TUSC3: variants seen among roughly 807,000 people sequenced by gnomAD.
The protein encoded by TUSC3 is tumor suppressor candidate 3, also known as dolichyl-diphosphooligosaccharide--protein glycosyltransferase subunit TUSC3.
In TUSC3, 45 loss-of-function variants were observed where a neutral mutation model predicts 44.8. The ratio of observed to expected loss-of-function variants is 1.00; its 90% CI spans 0.79 to 1.29. The LOEUF is 1.29. TUSC3 is among the 50% of genes most tolerant of loss of function. TUSC3 has a pLI of 0.00. For missense variants in TUSC3, 519 were observed against 437.9 expected, an observed-to-expected ratio of 1.19 and a Z score of -1.65; for synonymous variants, 212 against 152.9, an observed-to-expected ratio of 1.39 and a Z score of -2.85.
the TUSC3 span, among the ~76,000 whole-genome samples, chr8:15,831,845 G>C: frequency 6.6e-6 from 1 of 152,158 alleles, no homozygotes; most frequent in Non-Finnish European, 1.5e-5. Context: ...GATGGAGAGA[G>C]TGTGAGCAAC....
At chr8:15,424,804 G>A (rs539038137) in intron 1 of TUSC3, among the ~76,000 whole-genome samples, 9 of 152,028 alleles carry the variant, frequency 5.9e-5, no homozygotes, top group Non-Finnish European at 1.2e-4. Context: ...CACTTGAACC[G>A]GGAGGCAGAG....
intron 1 of TUSC3, among the ~76,000 whole-genome samples, chr8:15,439,403 A>T (rs1199979278): frequency 1.3e-5 from 2 of 152,118 alleles, no homozygotes; most frequent in African/African-American, 4.8e-5. Context: ...TTATTTCTAC[A>T]AACAATAGCT....
intron 2 of TUSC3, among the ~76,000 whole-genome samples, chr8:15,503,820 T>C (rs1248675060): frequency 6.6e-6 from 1 of 151,908 alleles, no homozygotes; most frequent in African/African-American, 2.4e-5. Context: ...CTGGGCAGCA[T>C]GGCAAAACCC....
the TUSC3 span, among the ~76,000 whole-genome samples, chr8:15,812,508 G>A: frequency 6.6e-6 from 1 of 152,084 alleles, no homozygotes. Flanking sequence ...AAATATGGCC[G>A]TGGTTGCAAC....
chr8:15,769,564 C>T (rs138738266), downstream of TUSC3, among the ~76,000 whole-genome samples: 1 of 152,212 alleles, frequency 6.6e-6, no homozygotes, highest in Non-Finnish European at 1.5e-5. Flanking sequence ...GCAACAAATG[C>T]CAAAATTGAT....
intron 6 of TUSC3, among the ~76,000 whole-genome samples, chr8:15,695,237 G>T (rs374679551): frequency 6.6e-6 from 1 of 152,146 alleles, no homozygotes; most frequent in East Asian, 1.9e-4. Flanking sequence ...GTCATGGGAG[G>T]GACCCAGTGG....
intron 1 of TUSC3, among the ~76,000 whole-genome samples, chr8:15,551,749 G>C (rs1263321999): frequency 6.6e-6 from 1 of 151,700 alleles, no homozygotes; most frequent in Non-Finnish European, 1.5e-5. Flanking sequence ...TGTTATAAGG[G>C]TAAGAAACAA....
intron 2 of TUSC3, among the ~76,000 whole-genome samples, chr8:15,503,738 C>T (rs1234852061): frequency 2.6e-5 from 4 of 152,012 alleles, no homozygotes; most frequent in Non-Finnish European, 2.9e-5. Flanking sequence ...CACAATGGCT[C>T]ATGCCTGTAA....
At chr8:15,429,965 C>G (rs1333478130) in intron 1 of TUSC3, among the ~76,000 whole-genome samples, 6 of 151,548 alleles carry the variant, frequency 4.0e-5, no homozygotes, top group Admixed American at 6.6e-5. Flanking sequence ...CCAATAACAG[C>G]CTCTGAAATT....
At chr8:15,847,482 G>C in the TUSC3 span, among the ~76,000 whole-genome samples, 1 of 151,986 alleles carries the variant, frequency 6.6e-6, no homozygotes, top group South Asian at 2.1e-4. Context: ...TGCTTGACTG[G>C]GCTCCTGTTC....
In TUSC3 at chr8:15,598,140, T is replaced by C. The variant is rs544040298; in HGVS notation, c.139-24940T>C. On this transcript the variant is annotated intron_variant, in intron 1 of 10. Coordinates refer to ENST00000503731, the MANE Select transcript of TUSC3 (RefSeq NM_006765.4). ...CAGAGTTTGCAGAGCATAATACCAG[T>C]TGGGGTTTTATGTGATCTTTGTCAT... is the stretch of plus-strand genomic sequence containing the variant. Among the ~76,000 whole-genome samples the C allele has an allele frequency of 5.3e-5, 8 of 152,078 alleles. 1 individual carries two copies. The highest frequency in any genetic ancestry group is 3.4e-3 in the Middle Eastern group (1 of 294).
chr8:15,587,260 A>G (rs776750462), intron 1 of TUSC3, among the ~76,000 whole-genome samples: 7 of 152,168 alleles, frequency 4.6e-5, no homozygotes, highest in Non-Finnish European at 1.0e-4. Flanking sequence ...CCCTGTATCC[A>G]TCCTGATCTT....
At chr8:15,504,607 ATATATATATATATATTTTTTTT>A (rs1380607388) in intron 2 of TUSC3, among the ~76,000 whole-genome samples, 5 of 25,124 alleles carry the variant, frequency 2.0e-4, no homozygotes, top group African/African-American at 9.2e-4. Context: ...ATATATATAT[ATATATATATATATATTTTTTTT>A]TTTTTTTTTT....
intron 1 of TUSC3, among the ~76,000 whole-genome samples, chr8:15,544,803 G>C (rs137958786): frequency 7.9e-5 from 12 of 151,902 alleles, no homozygotes; most frequent in African/African-American, 2.9e-4. Context: ...TATATGCACA[G>C]AATATATAGG....
At chr8:15,776,278 TG>T in the TUSC3 span, among the ~76,000 whole-genome samples, 1 of 152,112 alleles carries the variant, frequency 6.6e-6, no homozygotes. Context: ...ATTTTTTTCC[TG>T]TGGCCTCTCA....
intron 6 of TUSC3, among the ~76,000 whole-genome samples, chr8:15,685,343 C>G (rs1435200788): frequency 6.6e-6 from 1 of 152,074 alleles, no homozygotes; most frequent in Non-Finnish European, 1.5e-5. Flanking sequence ...TCCTGGCTTC[C>G]TCCCTCTTTA....
the TUSC3 span, among the ~76,000 whole-genome samples, chr8:15,846,044 G>A: frequency 3.3e-5 from 5 of 152,202 alleles, no homozygotes; most frequent in African/African-American, 7.2e-5. Flanking sequence ...ATGAGATCTC[G>A]TGAGACTTAT....
At chr8:15,470,314 A>G (rs1297923030) in intron 1 of TUSC3, among the ~76,000 whole-genome samples, 1 of 151,876 alleles carries the variant, frequency 6.6e-6, no homozygotes, top group Non-Finnish European at 1.5e-5. Flanking sequence ...AAAGATGAAT[A>G]GGTGGAACAA....
intron 1 of TUSC3, among the ~76,000 whole-genome samples, chr8:15,444,610 A>T (rs1423524031): frequency 6.6e-6 from 1 of 152,158 alleles, no homozygotes; most frequent in Non-Finnish European, 1.5e-5. Flanking sequence ...AAAATTAGAC[A>T]AATGCAGAGA....
Sources: allele counts gnomAD v4.1 joint callset (sites outside exome capture counted in the v4.1 genomes callset), GRCh38; gene constraint gnomAD v4.1.1; transcripts MANE v1.5; gene names NCBI Gene and HGNC (gene_info 2026-07-23, HGNC 2026-07-21).